The following TBX15 variants were observed in gnomAD, a reference collection of about 807,000 sequenced individuals.
TBX15 encodes the protein T-box transcription factor 15, also known as T-box transcription factor TBX15.
In TBX15, 18 loss-of-function variants were observed where a neutral mutation model predicts 53.9. That is an observed-to-expected ratio of 0.33 (90% confidence interval 0.23 to 0.49). TBX15 has a LOEUF of 0.49. TBX15 is among the 20% of genes least tolerant of loss of function. TBX15 has a pLI of 0.98. For missense variants in TBX15, 692 were observed against 749.5 expected, an observed-to-expected ratio of 0.92 and a Z score of 0.90; for synonymous variants, 295 against 278.0, an observed-to-expected ratio of 1.06 and a Z score of -0.61.
intron 7 of TBX15, chr1:118,890,812 A>G: frequency 8.7e-7 from 1 of 1,153,706 alleles, no homozygotes; most frequent in Non-Finnish European, 1.1e-6. Flanking sequence ...AAATTGAAAA[A>G]CAGTAAGGCA....
intron 1 of TBX15, among the ~76,000 whole-genome samples, chr1:118,975,455 C>T (rs1461555373): frequency 1.3e-5 from 2 of 152,190 alleles, no homozygotes; most frequent in South Asian, 2.1e-4. Context: ...TTTCCACCTA[C>T]AAAGGTTCAA....
chr1:118,901,402 TC>T (rs746545096), intron 6 of TBX15: 4 of 456,596 alleles, frequency 8.8e-6, no homozygotes, highest in South Asian at 6.2e-5. Context: ...CTCTTAAAGG[TC>T]CCATCTCTTA....
At chr1:118,908,308 T>C (rs1443558266) in intron 6 of TBX15, among the ~76,000 whole-genome samples, 1 of 149,396 alleles carries the variant, frequency 6.7e-6, no homozygotes, top group African/African-American at 2.5e-5. Context: ...CTGCAATAGG[T>C]ACAGTCCCAG....
chr1:118,893,485 G>GGAAGGAAAGAAA lies in TBX15; in HGVS notation c.1024+5542_1024+5543insTTTCTTTCCTTC, dbSNP rs1439212107. On this transcript the variant is annotated intron_variant, in intron 7 of 7. Transcript: ENST00000369429. ...GGAAAGAAAGGAAGGAAGGAAGGAAGGAAAGAAAGAAAGAAAGAAAGAAAG... is the reference window on the plus strand; with the variant it reads ...GGAAAGAAAGGAAGGAAGGAAGGAAGGAAGGAAAGAAAGAAAGAAAGAAAGAAAGAAAGAAAG... 3.3e-3 allele frequency among the ~76,000 whole-genome samples: 241 copies of GGAAGGAAAGAAA among 72,118 alleles called. 9 individuals carry two copies. In the East Asian group the frequency reaches 0.041, roughly 12 times the overall value. 47.3% of individuals were successfully genotyped at this position (72,118 alleles called of 152,430 possible).
At chr1:118,986,949 G>A (rs1168603119) in intron 1 of TBX15, among the ~76,000 whole-genome samples, 1 of 152,118 alleles carries the variant, frequency 6.6e-6, no homozygotes, top group Non-Finnish European at 1.5e-5. Context: ...AATATACATG[G>A]GTTACTGTAG....
intron 7 of TBX15, among the ~76,000 whole-genome samples, 187 bp downstream of exon 7, chr1:118,898,841 C>T (rs896797677): frequency 2.0e-5 from 3 of 152,084 alleles, no homozygotes; most frequent in African/African-American, 7.2e-5. Flanking sequence ...GAAATGCTGC[C>T]TTTGGACCAG....
In TBX15 at chr1:118,947,619, T is replaced by G. The variant is rs377114026; in HGVS notation, c.206-15787A>C. On this transcript the variant is annotated intron_variant, in intron 1 of 7. Coordinates refer to ENST00000369429, the MANE Select transcript of TBX15 (RefSeq NM_001330677.2). ...TAAAACAATGCAGAGGAAAGCACTTTGTAAATTATAAAGTGCCATATAAAA... is the reference window on the plus strand; with the variant it reads ...TAAAACAATGCAGAGGAAAGCACTTGGTAAATTATAAAGTGCCATATAAAA... Among the ~76,000 whole-genome samples, 21 of 152,328 alleles carry G rather than the reference T, an allele frequency of 1.4e-4. No homozygotes were observed. In the South Asian group the frequency reaches 4.4e-3, roughly 32 times the overall value.
chr1:118,943,226 A>G (rs554400842), intron 1 of TBX15, among the ~76,000 whole-genome samples: 9 of 152,338 alleles, frequency 5.9e-5, no homozygotes, highest in South Asian at 2.1e-4. Flanking sequence ...CCCTGTCCCT[A>G]TGAGAGAGAC....
chr1:118,978,413 G>A (rs930731629), intron 1 of TBX15, among the ~76,000 whole-genome samples: 11 of 152,138 alleles, frequency 7.2e-5, no homozygotes, highest in East Asian at 1.9e-4. Context: ...ACAGAATCTC[G>A]TAGCTAAAGG....
chr1:118,910,359 G>T (rs1654989969), intron 6 of TBX15, among the ~76,000 whole-genome samples: 1 of 152,178 alleles, frequency 6.6e-6, no homozygotes, highest in Non-Finnish European at 1.5e-5. Context: ...TGCATGAGTA[G>T]TCACTTGATG....
At position 118,931,687 on chromosome 1, in the gene TBX15, C is replaced by T. The variant is rs563353057; in HGVS notation, c.351G>A (p.Leu117=). The T allele has an allele frequency of 6.2e-7, 1 of 1,614,082 alleles. No homozygotes were observed. Among genetic ancestry groups the T allele is most frequent in the East Asian group, 2.2e-5 (1 of 44,882 alleles). Residue 117 remains leucine (L), a synonymous_variant, in exon 2 of 8, where the codon CTG becomes CTA. Coordinates refer to ENST00000369429, the MANE Select transcript of TBX15 (RefSeq NM_001330677.2). ...ACCGCTTCCAGAGGTCAGCACATTG[C>T]AGCTCCACCTGAATCTCCTCCATGG... ...MSSMEEIQVE[L]QCADLWKRFH...
chr1:118,890,514 A>G (rs1654102619), intron 7 of TBX15, among the ~76,000 whole-genome samples: 1 of 152,178 alleles, frequency 6.6e-6, no homozygotes. Flanking sequence ...ATATGAGGTG[A>G]CACACATGAA....
intron 1 of TBX15, among the ~76,000 whole-genome samples, chr1:118,942,249 T>C (rs185401954): frequency 1.3e-5 from 2 of 152,270 alleles, no homozygotes; most frequent in Admixed American, 1.3e-4. Flanking sequence ...CTACCAAATG[T>C]ATTTAGAGGG....
intron 1 of TBX15, among the ~76,000 whole-genome samples, chr1:118,932,716 A>T (rs1410358448): frequency 6.6e-6 from 1 of 152,078 alleles, no homozygotes; most frequent in Non-Finnish European, 1.5e-5. Flanking sequence ...GGGGCAGGGG[A>T]AGCTGACTGA....
intron 7 of TBX15, among the ~76,000 whole-genome samples, chr1:118,888,224 C>G (rs1244332597): frequency 1.3e-5 from 2 of 152,202 alleles, no homozygotes; most frequent in Non-Finnish European, 2.9e-5. Flanking sequence ...CTCATGACCA[C>G]TAGCAATGCA....
chr1:118,977,147 A>G (rs1333361705), intron 1 of TBX15, among the ~76,000 whole-genome samples: 2 of 152,240 alleles, frequency 1.3e-5, no homozygotes, highest in Non-Finnish European at 2.9e-5. Flanking sequence ...ACCAGGGCTC[A>G]GACACATGAA....
intron 1 of TBX15, among the ~76,000 whole-genome samples, chr1:118,976,448 T>A (rs1353681410): frequency 1.3e-5 from 2 of 152,222 alleles, no homozygotes; most frequent in South Asian, 2.1e-4. Context: ...AATCCTTCTA[T>A]TTCCTATCCG....
At chr1:118,901,590 T>C (rs1435151789) in intron 6 of TBX15, among the ~76,000 whole-genome samples, 1 of 152,166 alleles carries the variant, frequency 6.6e-6, no homozygotes, top group Non-Finnish European at 1.5e-5. Context: ...TGAATTCAAA[T>C]CTAAAATCCA....
chr1:118,942,856 T>C (rs1184124749), intron 1 of TBX15, among the ~76,000 whole-genome samples: 1 of 152,172 alleles, frequency 6.6e-6, no homozygotes, highest in Non-Finnish European at 1.5e-5. Flanking sequence ...GAGCTAGTAA[T>C]GCTAAGGGAG....
Sources: allele counts gnomAD v4.1 joint callset (sites outside exome capture counted in the v4.1 genomes callset), GRCh38; gene constraint gnomAD v4.1.1; transcripts MANE v1.5; gene names NCBI Gene and HGNC (gene_info 2026-07-23, HGNC 2026-07-21).